FUBP3: variants seen among roughly 807,000 people sequenced by gnomAD.
The protein encoded by FUBP3 is far upstream element binding protein 3.
Under a neutral mutation model 85.6 loss-of-function variants are expected in FUBP3, and 28 were observed. That is an observed-to-expected ratio of 0.33 (90% CI 0.24 to 0.45). The LOEUF is 0.45. Ranked by LOEUF, FUBP3 falls within the 20% of genes least tolerant of loss-of-function variation. FUBP3 has a pLI of 1.00. For missense variants in FUBP3, 583 were observed against 755.1 expected, an observed-to-expected ratio of 0.77 and a Z score of 2.67; for synonymous variants, 271 against 271.4, an observed-to-expected ratio of 1.00 and a Z score of 0.01.
chr9:130,589,273 C>T (rs192600209), intron 1 of FUBP3, among the ~76,000 whole-genome samples: 5 of 152,094 alleles, frequency 3.3e-5, no homozygotes, highest in Admixed American at 2.6e-4. Flanking sequence ...TGTGTACCAC[C>T]TTTATGATTT....
chr9:130,628,084 A>ACACG (rs1005689378), intron 12 of FUBP3, among the ~76,000 whole-genome samples: 3 of 126,504 alleles, frequency 2.4e-5, no homozygotes, highest in African/African-American at 9.1e-5. Context: ...CACTAAACAC[A>ACACG]CGCACGCACG....
Position 130,612,312 on chromosome 9 carries a change from T to A in FUBP3, c.225-144T>A. 1.6e-6 allele frequency: 1 copy of A among 626,804 alleles called. No individual in the cohort carries two copies. Among genetic ancestry groups the A allele is most frequent in the South Asian group, 2.0e-5 (1 of 49,642 alleles). 38.8% of individuals were successfully genotyped at this position (626,804 alleles called of 1,614,324 possible). ...TTCATTACGTGACACTCTTTGTAGG[T>A]GGTGGTGGATTTGTTGGCCAAATTG... is the stretch of plus-strand genomic sequence containing the variant. On this transcript the variant is annotated intron_variant, in intron 3 of 18. Coordinates refer to ENST00000319725, the MANE Select transcript of FUBP3 (RefSeq NM_003934.2). This position sits in a 1 kb window ranked among gnomAD's most constrained non-coding sequence, Gnocchi z 4.1.
At chr9:130,587,758 A>G (rs1308039051) in intron 1 of FUBP3, among the ~76,000 whole-genome samples, 1 of 151,970 alleles carries the variant, frequency 6.6e-6, no homozygotes, top group East Asian at 1.9e-4. Flanking sequence ...CTAATTAAGG[A>G]CTCTTTGTCT....
In FUBP3 at chr9:130,631,564, A is replaced by G. The variant is rs200998997; in HGVS notation, c.1286A>G (p.Asn429Ser). The change falls in exon 14 of 19, where the codon AAT becomes AGT. Residue 429 changes from asparagine (N) to serine (S), a missense_variant. Asn to Ser is a conservative substitution (Grantham distance 46, BLOSUM62 1). Coordinates refer to ENST00000319725, the MANE Select transcript of FUBP3 (RefSeq NM_003934.2). Reference sequence around the variant, plus strand: ...CCCTCTGTGCCCCCACAGGGGACCAATCTCGGAGCACCTGGAGCCTTCGGA... The same window carrying G: ...CCCTCTGTGCCCCCACAGGGGACCAGTCTCGGAGCACCTGGAGCCTTCGGA... ...QLIDEKVGGTNLGAPGAFGQS... is the reference protein window; with the variant it reads ...QLIDEKVGGTSLGAPGAFGQS... 1.2e-4 allele frequency: 189 copies of G among 1,613,724 alleles called. No individual in the cohort carries two copies. In the African/African-American group the frequency reaches 2.1e-3, roughly 18 times the overall value.
rs1830119649 is a variant in FUBP3, at chr9:130,581,220, G to T, written c.84+1456G>T. ...AAAGTGAATTTTGAACCATTGAGAA[G>T]ACATTCCGCTTCTCTTGAGCCAGTG... is the stretch of plus-strand genomic sequence containing the variant. On this transcript the variant is annotated intron_variant, in intron 1 of 18. Coordinates refer to ENST00000319725, the MANE Select transcript of FUBP3 (RefSeq NM_003934.2). The T allele has an allele frequency of 3.3e-5, 5 of 152,206 alleles. No individual in the cohort carries two copies. The South Asian group carries it at 1.0e-3, about 31-fold the overall frequency. The allele number at this position is 152,206 out of a possible 1,614,324, so 9.4% of individuals were successfully genotyped here.
intron 2 of FUBP3, among the ~76,000 whole-genome samples, chr9:130,596,824 G>A (rs1830896018): frequency 1.3e-5 from 2 of 152,276 alleles, no homozygotes; most frequent in Admixed American, 6.5e-5. Flanking sequence ...GGGTACATGA[G>A]ATGTTTTGAT....
chr9:130,624,059 A>G lies in FUBP3; in HGVS notation c.975+348A>G, dbSNP rs111468201. On this transcript the variant is annotated intron_variant, in intron 11 of 18. Transcript: ENST00000319725. ...TAGTGAAATCCAGTCTTAGTGGTAG[A>G]AGACACTTCAGGGTCCTCCAAAGTC... 6.0e-3 allele frequency among the ~76,000 whole-genome samples: 909 copies of G among 152,298 alleles called. 10 individuals carry two copies. Among genetic ancestry groups the G allele is most frequent in the African/African-American group, 0.021 (861 of 41,554 alleles).
At chr9:130,625,986 C>A (rs575320878) in intron 11 of FUBP3, among the ~76,000 whole-genome samples, 60 of 152,214 alleles carry the variant, frequency 3.9e-4, no homozygotes, top group African/African-American at 1.4e-3. Flanking sequence ...ATGTGTCCGC[C>A]GCAGGAAAGA....
Position 130,579,775 on chromosome 9 carries a change from AG to A in FUBP3, c.84+12del. On this transcript the variant is annotated intron_variant, in intron 1 of 18. Coordinates refer to ENST00000319725, the MANE Select transcript of FUBP3 (RefSeq NM_003934.2). ...CACCGGGTCCGGCAGGTACGGGCGCAGCCGGCTGGCAGGAGCACGAGATCCC... is the reference window on the plus strand; with the variant it reads ...CACCGGGTCCGGCAGGTACGGGCGCACCGGCTGGCAGGAGCACGAGATCCC... 1 of 1,270,250 alleles carries A rather than the reference AG, an allele frequency of 7.9e-7. No homozygotes were observed. The highest frequency in any genetic ancestry group is 9.9e-7 in the Non-Finnish European group (1 of 1,005,476). The allele number at this position is 1,270,250 out of a possible 1,614,324, so 78.7% of individuals were successfully genotyped here.
chr9:130,604,467 C>T (rs1343219335), intron 2 of FUBP3, among the ~76,000 whole-genome samples: 1 of 152,174 alleles, frequency 6.6e-6, no homozygotes, highest in Admixed American at 6.5e-5. Flanking sequence ...CCCAGCTTTG[C>T]TAGTCATTAG....
At chr9:130,590,021 A>ATTATTTTT (rs1830551699) in intron 1 of FUBP3, among the ~76,000 whole-genome samples, 1 of 45,970 alleles carries the variant, frequency 2.2e-5, no homozygotes, top group South Asian at 1.5e-3. Flanking sequence ...GGCCTATTTA[A>ATTATTTTT]TTTTTTTTTT....
chr9:130,616,143 C>G lies in FUBP3; in HGVS notation c.405-212C>G, dbSNP rs1035883080. On this transcript the variant is annotated intron_variant, in intron 6 of 18. Transcript: ENST00000319725. The surrounding 1 kb of genome is among the most constrained non-coding windows in gnomAD (Gnocchi z 4.7). ...GGGGCGGCAAGGCTCTGTGTCACAG[C>G]GTTGGTACTGTGGTGTGTGTTGCTT... Among the ~76,000 whole-genome samples the G allele has an allele frequency of 6.6e-6, 1 of 152,140 alleles. No individual in the cohort carries two copies. Among genetic ancestry groups the G allele is most frequent in the African/African-American group, 2.4e-5 (1 of 41,428 alleles).
chr9:130,602,627 G>A (rs779859530), intron 2 of FUBP3, among the ~76,000 whole-genome samples: 1 of 152,174 alleles, frequency 6.6e-6, no homozygotes, highest in South Asian at 2.1e-4. Flanking sequence ...CTGAATGGGG[G>A]ATGATGACAG....
intron 6 of FUBP3, 123 bp downstream of exon 6, chr9:130,614,468 A>C: frequency 1.7e-6 from 1 of 595,978 alleles, no homozygotes; most frequent in South Asian, 2.2e-5. Context: ...ACACAGGTAG[A>C]TAATTCCATA....
At chr9:130,627,332 G>C (rs777420086) in intron 12 of FUBP3, among the ~76,000 whole-genome samples, 3 of 152,234 alleles carry the variant, frequency 2.0e-5, no homozygotes, top group Non-Finnish European at 2.9e-5. Context: ...GCCTTCATTA[G>C]GTATTTGACA....
Position 130,632,278 on chromosome 9 carries a change from A to G in FUBP3, c.1510A>G (p.Ser504Gly). 6.2e-7 allele frequency: 1 copy of G among 1,612,248 alleles called. No homozygotes were observed. Among genetic ancestry groups the G allele is most frequent in the East Asian group, 2.2e-5 (1 of 44,868 alleles). Residue 504 changes from serine to glycine, a missense_variant and splice_region_variant, in exon 16 of 19, where the codon AGC becomes GGC. Physicochemically the swap from Ser to Gly is moderately conservative, Grantham distance 56. This residue lies in a region of FUBP3 where 404 missense variants were observed against 516.8 expected (regional missense o/e 0.78). Coordinates refer to ENST00000319725, the MANE Select transcript of FUBP3 (RefSeq NM_003934.2). ...GCAGCAGCCCACACAGCAGGTCCCA[A>G]GTAAGTGACTCGGGGCGGGGAGTGC... ...AWQQPTQQVP[S>G]QQSQPQSSQP...
At chr9:130,591,772 C>T (rs1012049490) in intron 1 of FUBP3, among the ~76,000 whole-genome samples, 1 of 152,156 alleles carries the variant, frequency 6.6e-6, no homozygotes, top group Non-Finnish European at 1.5e-5. Flanking sequence ...CTGAAAGGCT[C>T]AGTCACATTT....
intron 1 of FUBP3, among the ~76,000 whole-genome samples, chr9:130,594,276 A>C: frequency 6.6e-6 from 1 of 150,554 alleles, no homozygotes; most frequent in Non-Finnish European, 1.5e-5. Flanking sequence ...TTGAGTCCTC[A>C]TCTCTATTAA....
In FUBP3 at chr9:130,612,295, G is replaced by A. The variant is rs768980313; in HGVS notation, c.225-161G>A. On this transcript the variant is annotated intron_variant, in intron 3 of 18. Transcript: ENST00000319725. This position sits in a 1 kb window ranked among gnomAD's most constrained non-coding sequence, Gnocchi z 4.1. ...AGTGATTGACCAGACGGTTCATTAC[G>A]TGACACTCTTTGTAGGTGGTGGTGG... 2.6e-5 allele frequency among the ~76,000 whole-genome samples: 4 copies of A among 152,208 alleles called. No homozygotes were observed. The highest frequency in any genetic ancestry group is 5.9e-5 in the Non-Finnish European group (4 of 68,036).
Sources: gnomAD v4.1 joint callset for allele counts (sites outside exome capture counted in the v4.1 genomes callset) on GRCh38, gnomAD v4.1.1 for gene constraint, gnomAD v4.1.1 regional missense constraint, Gnocchi (gnomAD v3.1) non-coding constraint, MANE v1.5 for transcripts, NCBI Gene and HGNC (gene_info 2026-07-23, HGNC 2026-07-21) for gene names.